The following AGR3 variants were observed in gnomAD, a reference collection of about 807,000 sequenced individuals.
AGR3 encodes anterior gradient 3, protein disulphide isomerase family member.
A neutral mutation model predicts 24.5 loss-of-function variants in AGR3; 37 were observed. The observed-to-expected ratio is 1.51, with a 90% CI of 1.16 to 1.99. The LOEUF is 1.99. Among genes scored for constraint, AGR3 ranks in the 30% most tolerant of loss-of-function variants. The pLI, the probability that AGR3 is intolerant of heterozygous loss-of-function variation, is 0.00. For missense variants in AGR3, 228 were observed against 191.1 expected, an observed-to-expected ratio of 1.19 and a Z score of -1.14; for synonymous variants, 75 against 61.6, an observed-to-expected ratio of 1.22 and a Z score of -1.02.
Position 16,859,523 on chromosome 7 carries a change from C to T in AGR3, c.*59G>A. The stretch of plus-strand genomic sequence containing the variant: ...GCACATTTAGTATTTGTCAATGTGC[C>T]AGAGGTTTTCTTCATGAAATTTGAC... On this transcript the variant is annotated 3_prime_UTR_variant, in exon 8 of 8. Transcript: ENST00000310398. 1 of 1,164,610 alleles carries T rather than the reference C, an allele frequency of 8.6e-7. No individual in the cohort carries two copies. The highest frequency in any genetic ancestry group is 1.5e-5 in the African/African-American group (1 of 66,134). The allele number at this position is 1,164,610 out of a possible 1,614,324, so 72.1% of individuals were successfully genotyped here.
intron 1 of AGR3, 31 bp downstream of exon 1, chr7:16,881,913 A>G (rs1201076907): frequency 2.1e-6 from 1 of 471,054 alleles, no homozygotes; most frequent in Admixed American, 2.3e-5. Context: ...TTGACCACTG[A>G]TTAAGTAATC....
At chr7:16,868,576 C>T (rs1223401642) in intron 3 of AGR3, among the ~76,000 whole-genome samples, 2 of 152,080 alleles carry the variant, frequency 1.3e-5, no homozygotes, top group African/African-American at 4.8e-5. Context: ...GTATGGCTTT[C>T]ATATATTGTC....
chr7:16,879,534 A>C (rs1425090569), intron 1 of AGR3, among the ~76,000 whole-genome samples: 1 of 152,246 alleles, frequency 6.6e-6, no homozygotes, highest in African/African-American at 2.4e-5. Flanking sequence ...TGACTCATGC[A>C]GTTTTGAAAC....
chr7:16,854,836 G>C (rs1185067995), downstream of AGR3, among the ~76,000 whole-genome samples: 1 of 152,066 alleles, frequency 6.6e-6, no homozygotes, highest in Non-Finnish European at 1.5e-5. Flanking sequence ...GCATTCCTTG[G>C]CTTCTGCTGC....
At chr7:16,859,379 T>C (rs1376118622), downstream of AGR3, 2 of 481,284 alleles carry the variant, frequency 4.2e-6, no homozygotes, top group Non-Finnish European at 7.3e-6. Flanking sequence ...TCTTTGCTAC[T>C]GATGAGGCAG....
At chr7:16,871,757 A>C (rs553476306) in intron 3 of AGR3, among the ~76,000 whole-genome samples, 11 of 152,064 alleles carry the variant, frequency 7.2e-5, no homozygotes, top group Non-Finnish European at 1.2e-4. Flanking sequence ...CAGGTGAATC[A>C]CTGGAACCTG....
intron 2 of AGR3, among the ~76,000 whole-genome samples, chr7:16,876,544 A>G (rs1474603913): frequency 6.6e-6 from 1 of 151,716 alleles, no homozygotes; most frequent in Non-Finnish European, 1.5e-5. Flanking sequence ...TCCATATGCC[A>G]CTCTTTATAC....
rs754789100 is a variant in AGR3 at position 16,861,436 on chromosome 7, A to T, written c.315T>A (p.Thr105=). ...FIMLNLMHET[T]DKNLSPDGQY... is the part of the protein sequence containing the mutation. ...GCCCATCAGGTGATAAATTCTTATCAGTGGTTTCATGCTAGCAGGAGAAGA... is the reference window on the plus strand; with the variant it reads ...GCCCATCAGGTGATAAATTCTTATCTGTGGTTTCATGCTAGCAGGAGAAGA... Residue 105 remains threonine (T), a synonymous_variant, in exon 6 of 8, where the codon ACT becomes ACA. Transcript: ENST00000310398. The T allele has an allele frequency of 8.7e-6, 14 of 1,611,340 alleles. No individual in the cohort carries two copies. The highest frequency in any genetic ancestry group is 1.7e-4 in the Middle Eastern group (1 of 6,040).
intron 7 of AGR3, among the ~76,000 whole-genome samples, 155 bp from the exon 8 acceptor site, chr7:16,859,786 A>G (rs913262310): frequency 3.3e-5 from 5 of 152,240 alleles, no homozygotes; most frequent in Non-Finnish European, 7.3e-5. Flanking sequence ...AAAAGTGTAC[A>G]TGTAAATTTA....
chr7:16,865,429 T>C lies in AGR3; in HGVS notation c.174-2767A>G, dbSNP rs1362990615. 23 of 879,264 alleles carry C rather than the reference T, an allele frequency of 2.6e-5. No homozygotes were observed. The Admixed American group carries it at 4.1e-4, about 16-fold the overall frequency. 54.5% of individuals were successfully genotyped at this position (879,264 alleles called of 1,614,324 possible). ...ATTCGATTAAGAAATTTCATCGTAA[T>C]TGTTGGTGCCACAGGGTTGAAACTA... On this transcript the variant is annotated intron_variant, in intron 3 of 7. Transcript: ENST00000310398.
chr7:16,873,723 AATT>A, intron 3 of AGR3, 54 bp downstream of exon 3: 1 of 1,296,524 alleles, frequency 7.7e-7, no homozygotes, highest in Non-Finnish European at 1.1e-6. Context: ...AAATATGTAC[AATT>A]ATTATGAGTC....
intron 7 of AGR3, 148 bp from the exon 8 acceptor site, chr7:16,859,779 A>G: frequency 3.7e-6 from 2 of 534,536 alleles, no homozygotes; most frequent in Non-Finnish European, 6.5e-6. Flanking sequence ...ATATGCTAAA[A>G]GTGTACATGT....
chr7:16,878,614 A>G lies in AGR3; in HGVS notation c.5T>C (p.Met2Thr), dbSNP rs1277828222. M[M>T]LHSALGLCLL... is the part of the protein sequence containing the mutation. ...GCAGAGACCCAAAGCTGAGTGTAGC[A>G]TCATGTCTTCTAGAGACTCTCTCAG... The change falls in exon 2 of 8, where the codon ATG becomes ACG. Residue 2 changes from methionine to threonine, a missense_variant. Physicochemically the swap from Met to Thr is moderately conservative, Grantham distance 81. Coordinates refer to ENST00000310398, the MANE Select transcript of AGR3 (RefSeq NM_176813.5). The G allele has an allele frequency of 3.1e-6, 5 of 1,613,732 alleles. No homozygotes were observed. Among genetic ancestry groups the G allele is most frequent in the Non-Finnish European group, 3.4e-6 (4 of 1,179,760 alleles).
intron 2 of AGR3, among the ~76,000 whole-genome samples, chr7:16,875,799 A>C (rs1183620607): frequency 6.6e-6 from 1 of 152,176 alleles, no homozygotes; most frequent in Non-Finnish European, 1.5e-5. Context: ...TGTTAGTTTA[A>C]TGCCACATCT....
chr7:16,874,514 C>T (rs1417609280), intron 2 of AGR3, among the ~76,000 whole-genome samples: 1 of 152,050 alleles, frequency 6.6e-6, no homozygotes, highest in African/African-American at 2.4e-5. Context: ...AAGATAAAAT[C>T]ATCAAGTAGA....
At chr7:16,855,435 G>A (rs1781543603), downstream of AGR3, among the ~76,000 whole-genome samples, 1 of 141,540 alleles carries the variant, frequency 7.1e-6, no homozygotes, top group South Asian at 2.3e-4. Context: ...TTCCAGAAAA[G>A]ATGTTCAGAA....
intron 3 of AGR3, chr7:16,865,498 A>G: frequency 1.4e-6 from 1 of 718,066 alleles, no homozygotes; most frequent in Non-Finnish European, 2.5e-6. Context: ...TTGGGGAACA[A>G]GAAACTTTGA....
Position 16,878,607 on chromosome 7 carries a change from G to GTCA in AGR3, c.11_12insTGA (p.His4_Ser5insAsp). 1 of 1,614,040 alleles carries GTCA rather than the reference G, an allele frequency of 6.2e-7. No individual in the cohort carries two copies. The highest frequency in any genetic ancestry group is 2.2e-5 in the East Asian group (1 of 44,872). On this transcript the variant is annotated inframe_insertion, in exon 2 of 8. Transcript: ENST00000310398. The stretch of plus-strand genomic sequence containing the variant: ...GTAAGAGGCAGAGACCCAAAGCTGA[G>GTCA]TGTAGCATCATGTCTTCTAGAGACT...
intron 3 of AGR3, among the ~76,000 whole-genome samples, chr7:16,867,177 T>C (rs147695471): frequency 4.6e-5 from 7 of 152,302 alleles, no homozygotes; most frequent in African/African-American, 1.7e-4. Flanking sequence ...TTCATAATTA[T>C]ATCTTTCTAA....
Sources: allele counts gnomAD v4.1 joint callset (sites outside exome capture counted in the v4.1 genomes callset), GRCh38; gene constraint gnomAD v4.1.1; transcripts MANE v1.5; gene names NCBI Gene and HGNC (gene_info 2026-07-23, HGNC 2026-07-21).